The following SBF2 variants were observed in gnomAD, a reference collection of about 807,000 sequenced individuals.
SBF2 encodes myotubularin-related protein 13.
Under a neutral mutation model 225.2 loss-of-function variants are expected in SBF2, and 112 were observed. The ratio of observed to expected loss-of-function variants is 0.50; its 90% CI spans 0.43 to 0.58. The LOEUF (loss-of-function observed/expected upper bound fraction) is 0.58. Ranked by LOEUF, SBF2 falls within the 20% of genes least tolerant of loss-of-function variation. The pLI, the probability that SBF2 is intolerant of heterozygous loss-of-function variation, is 0.00. For missense variants in SBF2, 1,996 were observed against 2,206.2 expected (o/e 0.90, Z 1.91); for synonymous variants, 763 against 773.3 (o/e 0.99, Z 0.22).
intron 16 of SBF2, chr11:9,928,972 T>TGC: frequency 2.1e-6 from 1 of 478,202 alleles, no homozygotes; most frequent in Non-Finnish European, 4.1e-6. Context: ...GCAGCAGAGA[T>TGC]AACTTGCAAC....
chr11:10,028,930 A>G (rs1160541011), intron 5 of SBF2, among the ~76,000 whole-genome samples: 1 of 152,218 alleles, frequency 6.6e-6, no homozygotes, highest in Non-Finnish European at 1.5e-5. Flanking sequence ...CAGAGGTAGA[A>G]GAATGAAGGA....
At position 10,002,546 on chromosome 11, in the gene SBF2, G is replaced by A. The variant is rs1320495564; in HGVS notation, c.752+11C>T. 2 of 1,602,904 alleles carry A rather than the reference G, an allele frequency of 1.2e-6. No homozygotes were observed. Among genetic ancestry groups the A allele is most frequent in the Non-Finnish European group, 8.5e-7 (1 of 1,170,498 alleles). On this transcript the variant is annotated intron_variant, in intron 7 of 39. Coordinates refer to ENST00000256190, the MANE Select transcript of SBF2 (RefSeq NM_030962.4). The stretch of plus-strand genomic sequence containing the variant: ...TTAGGAATAAATAAAATTAACAAAT[G>A]AAAACCTCACCTATATTTAAGAGGA...
At chr11:10,290,645 C>G (rs765717855) in intron 1 of SBF2, among the ~76,000 whole-genome samples, 1 of 152,060 alleles carries the variant, frequency 6.6e-6, no homozygotes, top group African/African-American at 2.4e-5. Flanking sequence ...TTCAGGATAA[C>G]AGAAGCCAGA....
rs1045840607 is a variant in SBF2 at position 9,995,490 on chromosome 11, TAC to T, written c.976-1494_976-1493del. On this transcript the variant is annotated intron_variant, in intron 9 of 39. Transcript: ENST00000256190. The stretch of plus-strand genomic sequence containing the variant: ...TTAGTGTCTACAAAATAATCCATAT[TAC>T]ACAGTTTAAGTACAGTGTTGCCATT... Among the ~76,000 whole-genome samples, 12 of 152,318 alleles carry T rather than the reference TAC, an allele frequency of 7.9e-5. No individual in the cohort carries two copies. In the South Asian group the frequency reaches 1.9e-3, roughly 24 times the overall value.
chr11:10,082,078 G>A (rs1327919437), intron 2 of SBF2, among the ~76,000 whole-genome samples: 1 of 152,074 alleles, frequency 6.6e-6, no homozygotes, highest in African/African-American at 2.4e-5. Context: ...AAATGCAAAA[G>A]AGCATCAGAG....
chr11:9,792,921 T>TTG (rs767829391), intron 33 of SBF2, among the ~76,000 whole-genome samples: 4,258 of 140,062 alleles, frequency 0.03, 146 homozygotes, highest in East Asian at 0.16. Flanking sequence ...CCCAGCTAAT[T>TTG]TGTGTGTGTG....
chr11:9,839,768 T>C lies in SBF2; in HGVS notation c.3257-72A>G, dbSNP rs984945047. ...ATTGAGGTCTTCAGGGTAGTACCTGTGGGGAGCTCACTCTCATCTGAAACT... is the reference window on the plus strand; with the variant it reads ...ATTGAGGTCTTCAGGGTAGTACCTGCGGGGAGCTCACTCTCATCTGAAACT... On this transcript the variant is annotated intron_variant, in intron 25 of 39. Coordinates refer to ENST00000256190, the MANE Select transcript of SBF2 (RefSeq NM_030962.4). 25 of 1,424,484 alleles carry C rather than the reference T, an allele frequency of 1.8e-5. No individual in the cohort carries two copies. In the Admixed American group the frequency reaches 4.1e-4, roughly 23 times the overall value. The allele number at this position is 1,424,484 out of a possible 1,614,324, so 88.2% of individuals were successfully genotyped here. A position where few individuals can be genotyped will look rare whatever the true frequency, so the allele number is the denominator to read the frequency against.
In SBF2 at chr11:9,833,614, G is replaced by C. The variant is rs191728338; in HGVS notation, c.3456-1194C>G. Among the ~76,000 whole-genome samples the C allele has an allele frequency of 4.6e-5, 7 of 151,840 alleles. No individual in the cohort carries two copies. The East Asian group carries it at 1.4e-3, about 29-fold the overall frequency. ...TTTTTGTATTTTCAATAGAGACGGG[G>C]TTTCACCGTGTTAGCCAGGATGGTC... is the stretch of plus-strand genomic sequence containing the variant. On this transcript the variant is annotated intron_variant, in intron 26 of 39. Coordinates refer to ENST00000256190, the MANE Select transcript of SBF2 (RefSeq NM_030962.4).
At chr11:9,985,156 C>A (rs1237538963) in intron 13 of SBF2, among the ~76,000 whole-genome samples, 4 of 152,146 alleles carry the variant, frequency 2.6e-5, no homozygotes, top group Non-Finnish European at 5.9e-5. Flanking sequence ...AGATACAGAA[C>A]TGAAGAATGG....
At chr11:10,014,505 T>TAAAAAAAAAA (rs1181315538) in intron 6 of SBF2, among the ~76,000 whole-genome samples, 1 of 70,802 alleles carries the variant, frequency 1.4e-5, no homozygotes, top group Admixed American at 1.7e-4. Flanking sequence ...CCATTTCAAC[T>TAAAAAAAAAA]AAAAAAAAAA....
intron 2 of SBF2, among the ~76,000 whole-genome samples, chr11:10,097,847 A>G (rs1030820691): frequency 2.0e-5 from 3 of 152,168 alleles, no homozygotes; most frequent in Non-Finnish European, 2.9e-5. Flanking sequence ...GTAAAAGCAT[A>G]GTGAGTTCCT....
At chr11:9,985,861 A>G (rs1279280402) in intron 13 of SBF2, among the ~76,000 whole-genome samples, 1 of 152,250 alleles carries the variant, frequency 6.6e-6, no homozygotes, top group African/African-American at 2.4e-5. Context: ...CACTGGCAGC[A>G]TTAGACAGGT....
chr11:10,011,412 A>C (rs1029888793), intron 6 of SBF2, among the ~76,000 whole-genome samples: 2 of 152,026 alleles, frequency 1.3e-5, no homozygotes, highest in Non-Finnish European at 2.9e-5. Context: ...TTTCTCTGTA[A>C]ACATGGGGTT....
chr11:9,975,827 C>G (rs1946654810), intron 13 of SBF2, among the ~76,000 whole-genome samples: 1 of 152,000 alleles, frequency 6.6e-6, no homozygotes, highest in Non-Finnish European at 1.5e-5. Flanking sequence ...TAAAAAATTC[C>G]TTTATTCACA....
chr11:9,846,454 T>C lies in SBF2; in HGVS notation c.2934+502A>G, dbSNP rs1856554919. Reference sequence around the variant, plus strand: ...CCAGGGTCTGGTTTGCATTATTCAATAATTATTGAGTTATTGCAGTAATTC... The same window carrying C: ...CCAGGGTCTGGTTTGCATTATTCAACAATTATTGAGTTATTGCAGTAATTC... On this transcript the variant is annotated intron_variant, in intron 23 of 39. Transcript: ENST00000256190. Among the ~76,000 whole-genome samples, 3 of 152,214 alleles carry C rather than the reference T, an allele frequency of 2.0e-5. No homozygotes were observed. In the South Asian group the frequency reaches 6.2e-4, roughly 32 times the overall value.
intron 1 of SBF2, among the ~76,000 whole-genome samples, chr11:10,264,570 T>C (rs1455715890): frequency 6.6e-6 from 1 of 152,110 alleles, no homozygotes; most frequent in Non-Finnish European, 1.5e-5. Flanking sequence ...TATTTATTTT[T>C]TTATTTTTGT....
At chr11:9,902,165 A>G (rs1192066086) in intron 16 of SBF2, among the ~76,000 whole-genome samples, 2 of 152,190 alleles carry the variant, frequency 1.3e-5, no homozygotes, top group Admixed American at 1.3e-4. Context: ...GGGAGAGATT[A>G]GCTGGGAGTC....
chr11:10,053,796 T>C (rs1950149641), intron 2 of SBF2, among the ~76,000 whole-genome samples: 1 of 151,648 alleles, frequency 6.6e-6, no homozygotes, highest in Admixed American at 6.6e-5. Context: ...GGCATGCACC[T>C]GTAGTACCAA....
At chr11:9,962,653 T>C (rs1487108994) in intron 15 of SBF2, among the ~76,000 whole-genome samples, 2 of 152,172 alleles carry the variant, frequency 1.3e-5, no homozygotes, top group African/African-American at 4.8e-5. Flanking sequence ...CAGATATCTC[T>C]AGGTGTATGC....
Sources: gnomAD v4.1 joint callset for allele counts (sites outside exome capture counted in the v4.1 genomes callset) on GRCh38, gnomAD v4.1.1 for gene constraint, MANE v1.5 for transcripts, NCBI Gene and HGNC (gene_info 2026-07-23, HGNC 2026-07-21) for gene names.